Variants in SH3BGRL2 observed in about 807,000 individuals in gnomAD.
SH3BGRL2 encodes SH3 domain-binding glutamic acid-rich-like protein 2.
In SH3BGRL2, 21 loss-of-function variants were observed where a neutral mutation model predicts 14.8. The ratio of observed to expected loss-of-function variants is 1.42; its 90% CI spans 1.01 to 2.05. The LOEUF is 2.05. Among genes scored for constraint, SH3BGRL2 ranks in the 30% most tolerant of loss-of-function variants. The probability of loss-of-function intolerance (pLI) is 0.00; values close to 1 mark genes in which losing one functional copy is unlikely to be tolerated. For missense variants in SH3BGRL2, 147 were observed against 130.8 expected, an observed-to-expected ratio of 1.12 and a Z score of -0.61; for synonymous variants, 50 against 47.8, an observed-to-expected ratio of 1.05 and a Z score of -0.19.
chr6:79,623,634 G>T, the SH3BGRL2 span, among the ~76,000 whole-genome samples: 1 of 152,186 alleles, frequency 6.6e-6, no homozygotes, highest in Non-Finnish European at 1.5e-5. Flanking sequence ...AAAAGAAGTG[G>T]TAAGCTAATG....
the SH3BGRL2 span, among the ~76,000 whole-genome samples, chr6:79,623,318 T>A: frequency 1.4e-5 from 2 of 143,910 alleles, no homozygotes; most frequent in Non-Finnish European, 3.1e-5. Flanking sequence ...AAAAAAAAAA[T>A]GTCTGATTTA....
At chr6:79,619,825 T>A in the SH3BGRL2 span, among the ~76,000 whole-genome samples, 1 of 152,188 alleles carries the variant, frequency 6.6e-6, no homozygotes, top group Non-Finnish European at 1.5e-5. Context: ...CAGACATAAG[T>A]GGGAATCACT....
At chr6:79,617,205 A>AAAAAG in the SH3BGRL2 span, among the ~76,000 whole-genome samples, 2 of 152,134 alleles carry the variant, frequency 1.3e-5, no homozygotes, top group Non-Finnish European at 2.9e-5. Context: ...AAAAGAAAAA[A>AAAAAG]AAAAGAAAAG....
At chr6:79,635,314 G>A (rs563925767) in intron 1 of SH3BGRL2, among the ~76,000 whole-genome samples, 2 of 152,330 alleles carry the variant, frequency 1.3e-5, no homozygotes, top group African/African-American at 4.8e-5. Flanking sequence ...AGGAAATTTA[G>A]GCATAGAGAT....
chr6:79,588,315 A>G, the SH3BGRL2 span, among the ~76,000 whole-genome samples: 13,914 of 147,672 alleles, frequency 0.094, 801 homozygotes, highest in Non-Finnish European at 0.13. Context: ...AAACTGGGCT[A>G]GAGCAGTAAA....
the SH3BGRL2 span, among the ~76,000 whole-genome samples, chr6:79,597,714 T>TA: frequency 2.6e-5 from 4 of 152,178 alleles, no homozygotes; most frequent in African/African-American, 9.7e-5. Context: ...AATGATTTCT[T>TA]AGATATGACA....
At chr6:79,602,396 C>T in the SH3BGRL2 span, among the ~76,000 whole-genome samples, 2 of 152,146 alleles carry the variant, frequency 1.3e-5, no homozygotes, top group Non-Finnish European at 2.9e-5. Flanking sequence ...GTAGTTTCTG[C>T]TTATAGATAA....
the SH3BGRL2 span, among the ~76,000 whole-genome samples, chr6:79,546,008 T>TA: frequency 1.5e-4 from 22 of 151,232 alleles, no homozygotes; most frequent in Admixed American, 2.6e-4. Flanking sequence ...TCCTTACATT[T>TA]AAAAAAAAAT....
chr6:79,545,018 C>G, the SH3BGRL2 span, among the ~76,000 whole-genome samples: 14 of 152,162 alleles, frequency 9.2e-5, no homozygotes, highest in African/African-American at 1.9e-4. Context: ...TGCAGTGTCT[C>G]GGTCTCCCTC....
intron 2 of SH3BGRL2, among the ~76,000 whole-genome samples, chr6:79,679,576 C>A (rs1161021805): frequency 6.6e-6 from 1 of 151,972 alleles, no homozygotes; most frequent in Non-Finnish European, 1.5e-5. Context: ...TTGATAGTTT[C>A]TTTTAAATAT....
At chr6:79,569,061 T>C in the SH3BGRL2 span, among the ~76,000 whole-genome samples, 2 of 152,240 alleles carry the variant, frequency 1.3e-5, no homozygotes, top group South Asian at 4.1e-4. Context: ...GTTTTATGCA[T>C]TTTAGGGAGA....
At chr6:79,610,726 C>T in the SH3BGRL2 span, among the ~76,000 whole-genome samples, 1 of 152,192 alleles carries the variant, frequency 6.6e-6, no homozygotes, top group Non-Finnish European at 1.5e-5. Flanking sequence ...GATCTGGCTC[C>T]TCCCCTCTTG....
the SH3BGRL2 span, among the ~76,000 whole-genome samples, chr6:79,623,930 T>C: frequency 6.6e-6 from 1 of 152,238 alleles, no homozygotes; most frequent in Admixed American, 6.5e-5. Context: ...TTATACTTCC[T>C]CTATTGCAAT....
chr6:79,600,283 AT>A, the SH3BGRL2 span, among the ~76,000 whole-genome samples: 1 of 152,068 alleles, frequency 6.6e-6, no homozygotes, highest in Non-Finnish European at 1.5e-5. Flanking sequence ...GTCTTTTAAA[AT>A]TTTTTTACTC....
intron 1 of SH3BGRL2, among the ~76,000 whole-genome samples, chr6:79,642,129 T>C (rs1336119734): frequency 3.3e-5 from 5 of 152,174 alleles, no homozygotes; most frequent in African/African-American, 1.2e-4. Flanking sequence ...GGTTCCATAT[T>C]TGTGGATTCA....
chr6:79,660,107 T>A (rs1769513159), intron 1 of SH3BGRL2, among the ~76,000 whole-genome samples: 1 of 152,218 alleles, frequency 6.6e-6, no homozygotes, highest in Non-Finnish European at 1.5e-5. Flanking sequence ...TGACTTCCTC[T>A]TTTCCTAATT....
At chr6:79,658,535 T>C (rs978494958) in intron 1 of SH3BGRL2, among the ~76,000 whole-genome samples, 1 of 152,202 alleles carries the variant, frequency 6.6e-6, no homozygotes, top group African/African-American at 2.4e-5. Flanking sequence ...CTTAATCCAG[T>C]CTATCATTGA....
intron 1 of SH3BGRL2, among the ~76,000 whole-genome samples, chr6:79,659,935 CTGTT>C (rs1287391685): frequency 6.0e-5 from 9 of 150,602 alleles, no homozygotes; most frequent in South Asian, 2.1e-4. Flanking sequence ...ATTTGGCTCT[CTGTT>C]TGTCTGTTAT....
At chr6:79,542,568 C>T in the SH3BGRL2 span, among the ~76,000 whole-genome samples, 6 of 152,184 alleles carry the variant, frequency 3.9e-5, no homozygotes, top group East Asian at 9.6e-4. Flanking sequence ...CACACCTGGC[C>T]TCTATATTCT....
Sources: gnomAD v4.1 joint callset for allele counts (sites outside exome capture counted in the v4.1 genomes callset) on GRCh38, gnomAD v4.1.1 for gene constraint, MANE v1.5 for transcripts, NCBI Gene and HGNC (gene_info 2026-07-23, HGNC 2026-07-21) for gene names.